The following GRIK4 variants were observed in gnomAD, a reference collection of about 807,000 sequenced individuals.
The protein encoded by GRIK4 is glutamate ionotropic receptor kainate type subunit 4.
In GRIK4, 40 loss-of-function variants were observed where a neutral mutation model predicts 104.9. The observed-to-expected ratio is 0.38, with a 90% CI of 0.30 to 0.50. GRIK4 has a LOEUF of 0.50. Among genes scored for constraint, GRIK4 ranks in the 20% least tolerant of loss-of-function variants. The pLI is 0.93. For synonymous variants in GRIK4, 485 were observed against 524.9 expected, an observed-to-expected ratio of 0.92 and a Z score of 1.04; for missense variants, 1,047 against 1,308.1, an observed-to-expected ratio of 0.80 and a Z score of 3.08.
chr11:120,853,966 T>G (rs953723106), intron 8 of GRIK4, among the ~76,000 whole-genome samples: 44 of 152,314 alleles, frequency 2.9e-4, no homozygotes, highest in African/African-American at 9.9e-4. Flanking sequence ...CATGTCTGTC[T>G]TAGGGGCAAG....
intron 2 of GRIK4, among the ~76,000 whole-genome samples, chr11:120,656,160 A>T (rs565573704): frequency 6.6e-6 from 1 of 152,368 alleles, no homozygotes; most frequent in South Asian, 2.1e-4. Context: ...GACTAGATTT[A>T]TCTGAATGTT....
chr11:120,985,671 A>G (rs1018926737), intron 20 of GRIK4, among the ~76,000 whole-genome samples: 2 of 151,732 alleles, frequency 1.3e-5, no homozygotes, highest in Admixed American at 6.6e-5. Context: ...AAGGTGTTCA[A>G]ACAAAGATTG....
At position 120,987,755 on chromosome 11, in the gene GRIK4, C is replaced by T. The variant is rs1944781285; in HGVS notation, c.*1495C>T. Reference sequence around the variant, plus strand: ...AGAAGTTTGCAGAGTCCAGAGCACACATCTGATGGGAGGGGCGAGGCTTTC... The same window carrying T: ...AGAAGTTTGCAGAGTCCAGAGCACATATCTGATGGGAGGGGCGAGGCTTTC... On this transcript the variant is annotated 3_prime_UTR_variant, in exon 21 of 21. Transcript: ENST00000527524. The T allele has an allele frequency of 6.6e-6, 1 of 152,272 alleles. No homozygotes were observed. The highest frequency in any genetic ancestry group is 1.5e-5 in the Non-Finnish European group (1 of 68,076). 9.4% of individuals were successfully genotyped at this position (152,272 alleles called of 1,614,324 possible). A position where few individuals can be genotyped will look rare whatever the true frequency, so the allele number is the denominator to read the frequency against.
intron 3 of GRIK4, among the ~76,000 whole-genome samples, chr11:120,669,377 G>C (rs10790389): frequency 0.46 from 69,415 of 152,052 alleles, 16,358 homozygotes; most frequent in East Asian, 0.55. Flanking sequence ...AATGATTCCC[G>C]CTTCTTAAAA....
At chr11:120,534,141 G>A (rs773012672) in intron 1 of GRIK4, among the ~76,000 whole-genome samples, 1 of 152,086 alleles carries the variant, frequency 6.6e-6, no homozygotes, top group Non-Finnish European at 1.5e-5. Context: ...AGGTAGAATC[G>A]CAGGACACCT....
chr11:120,694,492 A>T (rs555033399), intron 3 of GRIK4, among the ~76,000 whole-genome samples: 1 of 152,218 alleles, frequency 6.6e-6, no homozygotes, highest in Non-Finnish European at 1.5e-5. Flanking sequence ...GAGAATGACA[A>T]GAGATTGGAG....
chr11:120,898,393 G>T, intron 11 of GRIK4, 139 bp from the exon 12 acceptor site: 2 of 588,084 alleles, frequency 3.4e-6, no homozygotes, highest in Admixed American at 2.8e-5. Flanking sequence ...TCTCCCTTCT[G>T]CAGTTCAGCC....
At chr11:120,720,119 A>G (rs1271888273) in intron 3 of GRIK4, among the ~76,000 whole-genome samples, 1 of 152,128 alleles carries the variant, frequency 6.6e-6, no homozygotes, top group Non-Finnish European at 1.5e-5. Flanking sequence ...TATACCTAGA[A>G]TGTGGAGCAG....
At chr11:120,571,941 C>A (rs772988553) in intron 1 of GRIK4, among the ~76,000 whole-genome samples, 1 of 152,166 alleles carries the variant, frequency 6.6e-6, no homozygotes, top group Non-Finnish European at 1.5e-5. Context: ...AGGAAGTCAC[C>A]GGAGGCATCC....
At chr11:120,684,441 G>C (rs972879034) in intron 3 of GRIK4, among the ~76,000 whole-genome samples, 1 of 152,198 alleles carries the variant, frequency 6.6e-6, no homozygotes, top group African/African-American at 2.4e-5. Context: ...GTAAGTCAGG[G>C]TTAAGAAGAA....
At chr11:120,621,881 TTTA>T (rs1015464235) in intron 1 of GRIK4, among the ~76,000 whole-genome samples, 2 of 151,990 alleles carry the variant, frequency 1.3e-5, no homozygotes, top group South Asian at 2.1e-4. Flanking sequence ...ATATATGTCA[TTTA>T]TTATTATTAT....
At chr11:120,766,393 T>G (rs1332553395) in intron 3 of GRIK4, among the ~76,000 whole-genome samples, 1 of 152,144 alleles carries the variant, frequency 6.6e-6, no homozygotes, top group Non-Finnish European at 1.5e-5. Context: ...CTGGGCTCAG[T>G]GAGGGTGGGA....
intron 3 of GRIK4, among the ~76,000 whole-genome samples, chr11:120,751,062 G>A (rs556678281): frequency 1.3e-5 from 2 of 152,262 alleles, no homozygotes; most frequent in Non-Finnish European, 1.5e-5. Context: ...TGTGTACAGG[G>A]GACACAGGGT....
intron 1 of GRIK4, among the ~76,000 whole-genome samples, chr11:120,525,063 G>A (rs1446823963): frequency 2.0e-5 from 3 of 152,172 alleles, no homozygotes; most frequent in Admixed American, 2.0e-4. Flanking sequence ...GTGGATCCAT[G>A]ATGCCTGCAG....
chr11:120,600,430 G>C (rs1302812340), intron 1 of GRIK4, among the ~76,000 whole-genome samples: 1 of 152,216 alleles, frequency 6.6e-6, no homozygotes, highest in East Asian at 1.9e-4. Context: ...CAGCCTTTCA[G>C]AGGCAGTGCC....
At chr11:120,867,617 ATTCT>A (rs1954459977) in intron 9 of GRIK4, among the ~76,000 whole-genome samples, 1 of 151,908 alleles carries the variant, frequency 6.6e-6, no homozygotes, top group Admixed American at 6.6e-5. Context: ...GGCCTTCGGC[ATTCT>A]AAGTGGAGCT....
chr11:120,612,406 T>C (rs1949048847), intron 1 of GRIK4, among the ~76,000 whole-genome samples: 1 of 152,192 alleles, frequency 6.6e-6, no homozygotes, highest in African/African-American at 2.4e-5. Context: ...ACTAAATACT[T>C]CTGTGTCCTC....
chr11:120,535,242 G>A (rs540977801), intron 1 of GRIK4, among the ~76,000 whole-genome samples: 2 of 151,138 alleles, frequency 1.3e-5, no homozygotes. Flanking sequence ...TCCTGAGGAG[G>A]TGGGGGATCC....
intron 3 of GRIK4, among the ~76,000 whole-genome samples, chr11:120,692,642 C>T (rs1437468360): frequency 6.6e-6 from 1 of 152,186 alleles, no homozygotes; most frequent in Non-Finnish European, 1.5e-5. Context: ...GGAGGACAGA[C>T]AGTCGGGAAG....
Sources: gnomAD v4.1 joint callset for allele counts (sites outside exome capture counted in the v4.1 genomes callset) on GRCh38, gnomAD v4.1.1 for gene constraint, MANE v1.5 for transcripts, NCBI Gene and HGNC (gene_info 2026-07-23, HGNC 2026-07-21) for gene names.